ZNF608: variants seen among roughly 807,000 people sequenced by gnomAD.
The protein encoded by ZNF608 is renal carcinoma antigen NY-REN-36.
In ZNF608, 12 loss-of-function variants were observed where a neutral mutation model predicts 109.0. That is an observed-to-expected ratio of 0.11 (90% CI 0.07 to 0.18). The LOEUF (loss-of-function observed/expected upper bound fraction) is 0.18, where lower values mean the gene tolerates loss of function less well. ZNF608 is among the 10% of genes least tolerant of loss of function. ZNF608 has a pLI of 1.00. For synonymous variants in ZNF608, 732 were observed against 717.4 expected (o/e 1.02, Z -0.33); for missense variants, 1,707 against 1,879.3 (o/e 0.91, Z 1.70).
chr5:124,660,995 A>G (rs765770982), intron 3 of ZNF608, among the ~76,000 whole-genome samples: 21 of 152,324 alleles, frequency 1.4e-4, no homozygotes, highest in Admixed American at 2.6e-4. Flanking sequence ...AATGTGGCCT[A>G]TCTTTCTTTT....
chr5:124,638,772 C>A, intron 9 of ZNF608: 1 of 978,622 alleles, frequency 1.0e-6, no homozygotes, highest in Non-Finnish European at 1.3e-6. Flanking sequence ...TATCAAAGAA[C>A]AAACATTACC....
intron 2 of ZNF608, among the ~76,000 whole-genome samples, chr5:124,731,685 G>T (rs866912474): frequency 6.6e-6 from 1 of 152,140 alleles, no homozygotes; most frequent in African/African-American, 2.4e-5. Flanking sequence ...AATTAGCCAG[G>T]CGTGCTGGTG....
At position 124,746,207 on chromosome 5, in the gene ZNF608, T is replaced by G. The variant is rs1749635702; in HGVS notation, c.-196A>C. 1.0e-6 allele frequency: 1 copy of G among 985,302 alleles called. No individual in the cohort carries two copies. The highest frequency in any genetic ancestry group is 1.7e-5 in the African/African-American group (1 of 57,226). The allele number at this position is 985,302 out of a possible 1,614,324, so 61.0% of individuals were successfully genotyped here. On this transcript the variant is annotated 5_prime_UTR_variant, in exon 1 of 10. Transcript: ENST00000513986. ...AGACATTGCTTACCTTTTAATCCTTTATCATTTTTTAATTAGGCCAGCAAA... is the reference window on the plus strand; with the variant it reads ...AGACATTGCTTACCTTTTAATCCTTGATCATTTTTTAATTAGGCCAGCAAA...
chr5:124,748,440 A>G, upstream of ZNF608: 2 of 667,662 alleles, frequency 3.0e-6, no homozygotes, highest in Non-Finnish European at 3.7e-6. Context: ...CCCTGTAACT[A>G]GTTCCTCATT....
At chr5:124,678,725 T>C (rs1295961294) in intron 3 of ZNF608, among the ~76,000 whole-genome samples, 1 of 152,168 alleles carries the variant, frequency 6.6e-6, no homozygotes, top group Non-Finnish European at 1.5e-5. Flanking sequence ...CCAGGGCCCA[T>C]GAGCCAAAAG....
chr5:124,725,675 G>A (rs1015798518), intron 2 of ZNF608, among the ~76,000 whole-genome samples: 2 of 151,790 alleles, frequency 1.3e-5, no homozygotes, highest in Admixed American at 6.6e-5. Flanking sequence ...AAATGAAAAC[G>A]CTCTAGTTTT....
intron 2 of ZNF608, among the ~76,000 whole-genome samples, chr5:124,715,877 C>G (rs1445919802): frequency 6.6e-6 from 1 of 152,132 alleles, no homozygotes; most frequent in Non-Finnish European, 1.5e-5. Context: ...GGCGCGGTGG[C>G]TCACGCCTGT....
intron 2 of ZNF608, among the ~76,000 whole-genome samples, chr5:124,731,210 T>C (rs1005538416): frequency 2.0e-5 from 3 of 152,142 alleles, no homozygotes; most frequent in Non-Finnish European, 2.9e-5. Flanking sequence ...GGCAGTGTTA[T>C]TGTTTTTTGG....
intron 3 of ZNF608, among the ~76,000 whole-genome samples, chr5:124,662,187 G>A (rs766053914): frequency 1.3e-5 from 2 of 152,162 alleles, no homozygotes; most frequent in African/African-American, 2.4e-5. Flanking sequence ...TTCAATTGAC[G>A]TTTGTCTTAA....
At chr5:124,698,729 T>A (rs2149846743) in intron 3 of ZNF608, among the ~76,000 whole-genome samples, 1 of 152,334 alleles carries the variant, frequency 6.6e-6, no homozygotes, top group African/African-American at 2.4e-5. Context: ...ATGCCCAGAA[T>A]TCCACACCAA....
At chr5:124,734,001 T>C (rs2149895423) in intron 2 of ZNF608, among the ~76,000 whole-genome samples, 1 of 152,292 alleles carries the variant, frequency 6.6e-6, no homozygotes, top group South Asian at 2.1e-4. Context: ...GGTTTTATGA[T>C]TATATATGAT....
At position 124,649,597 on chromosome 5, in the gene ZNF608, G is replaced by C. The variant is rs1371063624; in HGVS notation, c.1250+13C>G. On this transcript the variant is annotated intron_variant, in intron 4 of 9. Coordinates refer to ENST00000513986, the MANE Select transcript of ZNF608 (RefSeq NM_020747.3). ...GGATGGGGAAGGAGAGAAATAAAAG[G>C]CCCTGTTCATACCTGGGAGGGGCCC... The C allele has an allele frequency of 6.2e-7, 1 of 1,603,006 alleles. No homozygotes were observed. The highest frequency in any genetic ancestry group is 8.5e-7 in the Non-Finnish European group (1 of 1,172,304).
At chr5:124,646,352 C>A (rs546096319) in intron 5 of ZNF608, among the ~76,000 whole-genome samples, 1 of 151,710 alleles carries the variant, frequency 6.6e-6, no homozygotes, top group Non-Finnish European at 1.5e-5. Flanking sequence ...AGAGAGATTC[C>A]GTCTCAAAAA....
intron 2 of ZNF608, among the ~76,000 whole-genome samples, chr5:124,725,983 C>T (rs1307462970): frequency 6.6e-6 from 1 of 152,120 alleles, no homozygotes; most frequent in Non-Finnish European, 1.5e-5. Context: ...TCACCTCCCA[C>T]AAAAAATCCA....
intron 3 of ZNF608, among the ~76,000 whole-genome samples, chr5:124,680,388 GT>G (rs1752143596): frequency 6.6e-6 from 1 of 151,358 alleles, no homozygotes; most frequent in Admixed American, 6.6e-5. Context: ...AGTTTATAAA[GT>G]TTATATAATG....
At chr5:124,746,853 G>A (rs1292222743), upstream of ZNF608, 3 of 896,782 alleles carry the variant, frequency 3.3e-6, no homozygotes, top group East Asian at 3.6e-4. Flanking sequence ...TGAGAAACTG[G>A]GCAAGAGGAG....
chr5:124,648,990 GC>G lies in ZNF608; in HGVS notation c.1393del (p.Ala465ProfsTer46), dbSNP rs764779166. On this transcript the variant is annotated frameshift_variant, in exon 5 of 10. Coordinates refer to ENST00000513986, the MANE Select transcript of ZNF608 (RefSeq NM_020747.3). LOFTEE classifies it high-confidence loss of function. ...RGLQNKNRGGANGKGRRGSLN... is the reference protein window; with the variant it reads ...RGLQNKNRGGXNGKGRRGSLN... ...GCTGCCCCGCCTCCCTTTCCCATTG[GC>G]CCCCCCTCTGTTCTTATTCTGCAGC... 6.2e-7 allele frequency: 1 copy of G among 1,613,964 alleles called. No homozygotes were observed. Among genetic ancestry groups the G allele is most frequent in the Non-Finnish European group, 8.5e-7 (1 of 1,179,968 alleles).
At chr5:124,679,344 C>A (rs1005906739) in intron 3 of ZNF608, among the ~76,000 whole-genome samples, 1 of 151,754 alleles carries the variant, frequency 6.6e-6, no homozygotes, top group African/African-American at 2.4e-5. Flanking sequence ...GTTCACTTGA[C>A]TTCTCCTTCC....
chr5:124,701,775 A>G (rs1753061797), intron 2 of ZNF608, among the ~76,000 whole-genome samples: 1 of 152,072 alleles, frequency 6.6e-6, no homozygotes, highest in Non-Finnish European at 1.5e-5. Context: ...ATATAAATAC[A>G]TAAACTTTAC....
Sources: gnomAD v4.1 joint callset for allele counts (sites outside exome capture counted in the v4.1 genomes callset) on GRCh38, gnomAD v4.1.1 for gene constraint, MANE v1.5 for transcripts, NCBI Gene and HGNC (gene_info 2026-07-23, HGNC 2026-07-21) for gene names.